The following NOD2 variants were observed in gnomAD, a reference collection of about 807,000 sequenced individuals.
The protein encoded by NOD2 is nucleotide-binding oligomerization domain-containing protein 2.
A neutral mutation model predicts 90.9 loss-of-function variants in NOD2; 86 were observed. The ratio of observed to expected loss-of-function variants is 0.95; its 90% CI spans 0.79 to 1.13. The LOEUF is 1.13. NOD2 is among the 50% of genes most tolerant of loss of function. The pLI is 0.00. For synonymous variants in NOD2, 581 were observed against 554.6 expected (o/e 1.05, Z -0.67); for missense variants, 1,238 against 1,283.8 (o/e 0.96, Z 0.55).
At position 50,710,964 on chromosome 16, in the gene NOD2, G is replaced by C. The variant is rs554991667; in HGVS notation, c.972G>C (p.Glu324Asp). 3.1e-6 allele frequency: 5 copies of C among 1,614,228 alleles called. No homozygotes were observed. The African/African-American group carries it at 6.7e-5, about 22-fold the overall frequency. The change falls in exon 4 of 12, where the codon GAG (glutamate) becomes GAC (aspartate). Residue 324 changes from glutamate to aspartate, a missense_variant. Physicochemically the swap from Glu to Asp is conservative, Grantham distance 45 (BLOSUM62 2). Around this residue, in one of 3 missense-constraint regions of NOD2, gnomAD observed 567 missense variants for 577.3 expected, o/e 0.98. Transcript: ENST00000647318. The stretch of plus-strand genomic sequence containing the variant: ...TCTCTGTGCGGACTCTACTCTTTGA[G>C]CACTGCTGTTGGCCTGATGTTGGTC... ...KPLSVRTLLF[E>D]HCCWPDVGQE...
intron 2 of NOD2, among the ~76,000 whole-genome samples, chr16:50,702,328 T>C (rs546582519): frequency 6.6e-6 from 1 of 152,316 alleles, no homozygotes; most frequent in Non-Finnish European, 1.5e-5. Flanking sequence ...GCTGAGTGGG[T>C]AGCAGGGATG....
chr16:50,702,838 T>C (rs1964002603), intron 2 of NOD2, among the ~76,000 whole-genome samples: 2 of 152,334 alleles, frequency 1.3e-5, no homozygotes, highest in South Asian at 4.1e-4. Flanking sequence ...CAGGCCTGTT[T>C]TCCTCCAGAG....
intron 2 of NOD2, among the ~76,000 whole-genome samples, chr16:50,702,512 G>A (rs1425629650): frequency 1.3e-5 from 2 of 152,196 alleles, no homozygotes; most frequent in African/African-American, 4.8e-5. Flanking sequence ...GGTGCTTGTG[G>A]TATATCCAAC....
chr16:50,711,231 C>T lies in NOD2; in HGVS notation c.1239C>T (p.Thr413=), dbSNP rs143395754. The T allele has an allele frequency of 2.4e-5, 39 of 1,613,890 alleles. No individual in the cohort carries two copies. Among genetic ancestry groups the T allele is most frequent in the African/African-American group, 6.7e-5 (5 of 74,934 alleles). The change falls in exon 4 of 12, where the codon ACC becomes ACT. Residue 413 remains threonine (T), a synonymous_variant. Transcript: ENST00000647318. ...VSAFLRKYIR[T]EFNLKGFSEQ... ...CGTTCCTCAGGAAGTACATCCGCAC[C>T]GAGTTCAACCTCAAGGGCTTCTCTG...
chr16:50,707,246 G>A (rs990869948), intron 2 of NOD2, among the ~76,000 whole-genome samples: 8 of 152,212 alleles, frequency 5.3e-5, no homozygotes, highest in Non-Finnish European at 8.8e-5. Context: ...GATTACAGAC[G>A]AGAGGCTTCA....
chr16:50,719,866 C>A, intron 6 of NOD2, 59 bp from the exon 7 acceptor site: 1 of 1,473,918 alleles, frequency 6.8e-7, no homozygotes, highest in Non-Finnish European at 9.5e-7. Context: ...AGGGCACAGA[C>A]GGCCCTCCTT....
In NOD2 at chr16:50,710,998, A is replaced by T. The variant is rs104895470; in HGVS notation, c.1006A>T (p.Ile336Phe). ...TTGGCCTGATGTTGGTCAAGAAGACATCTTCCAGTTACTCCTTGACCACCC... is the reference window on the plus strand; with the variant it reads ...TTGGCCTGATGTTGGTCAAGAAGACTTCTTCCAGTTACTCCTTGACCACCC... ...CCWPDVGQED[I>F]FQLLLDHPDR... Residue 336 changes from isoleucine to phenylalanine, a missense_variant, in exon 4 of 12, where the codon ATC becomes TTC. Ile to Phe is a conservative substitution (Grantham distance 21, BLOSUM62 0). This residue lies in a region of NOD2 where 567 missense variants were observed against 577.3 expected (regional missense o/e 0.98). Coordinates refer to ENST00000647318, the MANE Select transcript of NOD2 (RefSeq NM_001370466.1). The T allele has an allele frequency of 1.9e-5, 31 of 1,614,102 alleles. No homozygotes were observed. Among genetic ancestry groups the T allele is most frequent in the Middle Eastern group, 1.6e-4 (1 of 6,084 alleles).
chr16:50,714,628 G>A (rs952153624), intron 4 of NOD2, among the ~76,000 whole-genome samples: 4 of 151,742 alleles, frequency 2.6e-5, no homozygotes, highest in South Asian at 4.2e-4. Flanking sequence ...GTGTGTGTGT[G>A]TGTGTGTGTG....
intron 1 of NOD2, among the ~76,000 whole-genome samples, chr16:50,696,175 G>C (rs779691887): frequency 6.6e-6 from 1 of 152,224 alleles, no homozygotes; most frequent in Non-Finnish European, 1.5e-5. Flanking sequence ...TGTCTGCAAG[G>C]GGTCAGTGGG....
At position 50,698,470 on chromosome 16, in the gene NOD2, C is replaced by A. The variant is rs567605814; in HGVS notation, c.-8-1018C>A. Among the ~76,000 whole-genome samples, 10 of 152,336 alleles carry A rather than the reference C, an allele frequency of 6.6e-5. No homozygotes were observed. In the South Asian group the frequency reaches 2.1e-3, roughly 32 times the overall value. On this transcript the variant is annotated intron_variant, in intron 1 of 11. Transcript: ENST00000647318. ...TAGTTTGCACCGTAATTTTTCACTT[C>A]GCCTAGGACAGGACCTTTAGAGCAA...
chr16:50,716,612 C>A lies in NOD2; in HGVS notation c.2407C>A (p.Arg803=), dbSNP rs760623178. 2 of 1,614,086 alleles carry A rather than the reference C, an allele frequency of 1.2e-6. No individual in the cohort carries two copies. Among genetic ancestry groups the A allele is most frequent in the East Asian group, 4.5e-5 (2 of 44,888 alleles). ...TTTGCGCGATAACAATATCTCAGAC[C>A]GAGGCATCTGCAAGCTCATTGAATG... The part of the protein sequence containing the change: ...LYLRDNNISD[R]GICKLIECAL... Residue 803 remains arginine (R), a synonymous_variant, in exon 5 of 12, where the codon CGA becomes AGA. Coordinates refer to ENST00000647318, the MANE Select transcript of NOD2 (RefSeq NM_001370466.1).
intron 9 of NOD2, 35 bp downstream of exon 9, chr16:50,723,419 G>T: frequency 6.3e-7 from 1 of 1,586,470 alleles, no homozygotes; most frequent in Non-Finnish European, 8.7e-7. Flanking sequence ...TGGGGAAGTG[G>T]ATCACAATCT....
chr16:50,695,115 G>A (rs1191349639), intron 1 of NOD2, among the ~76,000 whole-genome samples: 1 of 151,370 alleles, frequency 6.6e-6, no homozygotes, highest in Non-Finnish European at 1.5e-5. Context: ...CTTTGACTTG[G>A]GGTCTGGCAG....
rs1416116989 is a variant in NOD2 at position 50,699,723 on chromosome 16, C to T, written c.228C>T (p.Leu76=). ...AGGGTACTTGGGCCTGTCAGAAGCT[C>T]ATCGCGGCTGCCCAAGAAGCCCAGG... ...WNKGTWACQK[L]IAAAQEAQAD... Residue 76 remains leucine (L), a synonymous_variant, in exon 2 of 12, where the codon CTC becomes CTT. Transcript: ENST00000647318. 3 of 1,614,146 alleles carry T rather than the reference C, an allele frequency of 1.9e-6. No homozygotes were observed.
At chr16:50,713,655 T>G (rs1964642644) in intron 4 of NOD2, 1 of 119,324 alleles carries the variant, frequency 8.4e-6, no homozygotes, top group African/African-American at 3.4e-5. Flanking sequence ...TTAGGAAGAG[T>G]GAGAGGGTTG....
chr16:50,731,809 T>C lies in NOD2; in HGVS notation c.3032T>C (p.Leu1011Pro). ...VDKLGCRDTR[L>P]LL Reference sequence around the variant, plus strand: ...AAGCTCGGCTGCAGGGACACCAGACTCTTGCTTTGAAGTCTCCGGGAGGAT... The same window carrying C: ...AAGCTCGGCTGCAGGGACACCAGACCCTTGCTTTGAAGTCTCCGGGAGGAT... The change falls in exon 12 of 12, where the codon CTC becomes CCC. Residue 1011 changes from leucine (L) to proline (P), a missense_variant. By Grantham distance (98) the Leu-to-Pro change is moderately conservative. Around this residue, in one of 3 missense-constraint regions of NOD2, gnomAD observed 667 missense variants for 688.7 expected, o/e 0.97. Coordinates refer to ENST00000647318, the MANE Select transcript of NOD2 (RefSeq NM_001370466.1). The C allele has an allele frequency of 6.2e-7, 1 of 1,613,338 alleles. No individual in the cohort carries two copies.
At chr16:50,698,644 C>T (rs1251537080) in intron 1 of NOD2, among the ~76,000 whole-genome samples, 1 of 152,174 alleles carries the variant, frequency 6.6e-6, no homozygotes, top group Non-Finnish European at 1.5e-5. Flanking sequence ...GCCTGTCTAG[C>T]TGTGACACAT....
rs199552944 is a variant in NOD2, at chr16:50,719,993, C to T, written c.2618C>T (p.Ser873Phe). The T allele has an allele frequency of 1.4e-5, 23 of 1,614,042 alleles. No homozygotes were observed. The highest frequency in any genetic ancestry group is 1.9e-5 in the Non-Finnish European group (23 of 1,180,002). The part of the protein sequence containing the change: ...VLAEGLRGNT[S>F]LQFLGFWGNR... ...GCCGAGGGGCTCCGAGGCAACACCT[C>T]CTTGCAGTTCCTGGGGTAGGTTGGA... The change falls in exon 7 of 12, where the codon TCC (serine) becomes TTC (phenylalanine). Residue 873 changes from serine (S) to phenylalanine (F), a missense_variant. Around this residue, in one of 3 missense-constraint regions of NOD2, gnomAD observed 667 missense variants for 688.7 expected, o/e 0.97. Coordinates refer to ENST00000647318, the MANE Select transcript of NOD2 (RefSeq NM_001370466.1).
At chr16:50,717,583 A>C (rs908805096) in intron 6 of NOD2, among the ~76,000 whole-genome samples, 6 of 152,190 alleles carry the variant, frequency 3.9e-5, no homozygotes, top group African/African-American at 1.4e-4. Context: ...GGCAGTAAAA[A>C]AAGACAAAGT....
Sources: gnomAD v4.1 joint callset for allele counts (sites outside exome capture counted in the v4.1 genomes callset) on GRCh38, gnomAD v4.1.1 for gene constraint, gnomAD v4.1.1 regional missense constraint, MANE v1.5 for transcripts, NCBI Gene and HGNC (gene_info 2026-07-23, HGNC 2026-07-21) for gene names.